The following ITGAE variants were observed in gnomAD, a reference collection of about 807,000 sequenced individuals.
The protein encoded by ITGAE is integrin alpha-E.
In ITGAE, 99 loss-of-function variants were observed where a neutral mutation model predicts 136.5. That is an observed-to-expected ratio of 0.73 (90% CI 0.62 to 0.86). The LOEUF (loss-of-function observed/expected upper bound fraction) is 0.86. Among genes scored for constraint, ITGAE ranks in the 40% least tolerant of loss-of-function variants. The pLI is 0.00. For synonymous variants in ITGAE, 613 were observed against 591.8 expected (o/e 1.04, Z -0.52); for missense variants, 1,447 against 1,515.3 (o/e 0.95, Z 0.75).
intron 20 of ITGAE, among the ~76,000 whole-genome samples, chr17:3,735,317 G>A (rs923534866): frequency 2.6e-5 from 4 of 152,132 alleles, no homozygotes; most frequent in East Asian, 1.9e-4. Flanking sequence ...ACAGGCACGC[G>A]CCACCATGCC....
chr17:3,778,085 CA>C (rs1197140601), intron 1 of ITGAE, among the ~76,000 whole-genome samples: 3 of 152,070 alleles, frequency 2.0e-5, no homozygotes, highest in Non-Finnish European at 4.4e-5. Flanking sequence ...AACGTATCCC[CA>C]AAACTGCCTG....
intron 26 of ITGAE, chr17:3,725,675 T>C: frequency 6.3e-7 from 1 of 1,589,392 alleles, no homozygotes; most frequent in South Asian, 1.1e-5. Context: ...GGGATCACTA[T>C]AATTCAACCA....
At chr17:3,759,250 T>G in intron 8 of ITGAE, 152 bp downstream of exon 8, 2 of 821,788 alleles carry the variant, frequency 2.4e-6, no homozygotes, top group Non-Finnish European at 3.8e-6. Context: ...AGGACAGCCT[T>G]GAGGTGTCAT....
At position 3,742,049 on chromosome 17, in the gene ITGAE, C is replaced by T. The variant is rs142526377; in HGVS notation, c.2448+1440G>A. On this transcript the variant is annotated intron_variant, in intron 19 of 30. Coordinates refer to ENST00000263087, the MANE Select transcript of ITGAE (RefSeq NM_002208.5). ...CCGAGATCACGCCATTGCACTCCAG[C>T]CTGGGCAACAAGGGCGAAACTCTGT... 5.2e-3 allele frequency among the ~76,000 whole-genome samples: 790 copies of T among 152,314 alleles called. 6 individuals are homozygous for T. Among genetic ancestry groups the T allele is most frequent in the African/African-American group, 0.018 (740 of 41,576 alleles).
intron 1 of ITGAE, among the ~76,000 whole-genome samples, chr17:3,795,390 C>T (rs947702522): frequency 1.2e-4 from 19 of 152,176 alleles, no homozygotes; most frequent in East Asian, 7.7e-4. Context: ...CACCCCACCC[C>T]TGTGTTCACT....
At chr17:3,768,419 A>G (rs1447471704) in intron 2 of ITGAE, among the ~76,000 whole-genome samples, 1 of 152,070 alleles carries the variant, frequency 6.6e-6, no homozygotes, top group Non-Finnish European at 1.5e-5. Context: ...AGTTACAGTG[A>G]GTTTCAGGCA....
intron 1 of ITGAE, among the ~76,000 whole-genome samples, chr17:3,795,901 CTG>C (rs1245433538): frequency 2.6e-5 from 3 of 116,020 alleles, no homozygotes; most frequent in Non-Finnish European, 1.8e-5. Flanking sequence ...GTGTGTGCAT[CTG>C]TGTATGCGCA....
chr17:3,748,872 A>G (rs76842797), intron 16 of ITGAE, among the ~76,000 whole-genome samples: 2,938 of 152,180 alleles, frequency 0.019, 73 homozygotes, highest in South Asian at 0.06. Flanking sequence ...GAGGGGCGGG[A>G]AGGGCCAGGC....
rs1567568833 is a variant in ITGAE, at chr17:3,799,297, G to A, written c.34+1814C>T. The stretch of plus-strand genomic sequence containing the variant: ...TCCGCCACCCACACCGGAGCTGCGG[G>A]GGCCCTGCTCTGGTCCCCTTCCCGT... On this transcript the variant is annotated intron_variant, in intron 1 of 30. Coordinates refer to ENST00000263087, the MANE Select transcript of ITGAE (RefSeq NM_002208.5). The surrounding 1 kb of genome is among the most constrained non-coding windows in gnomAD (Gnocchi z 4.1). 1.3e-5 allele frequency among the ~76,000 whole-genome samples: 2 copies of A among 152,278 alleles called. No individual in the cohort carries two copies. The highest frequency in any genetic ancestry group is 1.9e-4 in the East Asian group (1 of 5,178).
intron 26 of ITGAE, chr17:3,726,218 A>G: frequency 6.2e-7 from 1 of 1,614,174 alleles, no homozygotes; most frequent in Non-Finnish European, 8.5e-7. Context: ...TCAAGACTAA[A>G]TGTAACACTC....
intron 7 of ITGAE, 65 bp from the exon 8 acceptor site, chr17:3,759,618 C>T (rs2052116736): frequency 6.4e-7 from 1 of 1,566,334 alleles, no homozygotes; most frequent in African/African-American, 1.3e-5. Context: ...TGAAATGTCT[C>T]CCGCTGGAAG....
intron 26 of ITGAE, among the ~76,000 whole-genome samples, chr17:3,727,707 C>T (rs2051247087): frequency 6.6e-6 from 1 of 152,062 alleles, no homozygotes; most frequent in Non-Finnish European, 1.5e-5. Flanking sequence ...CCAATTTTTG[C>T]TTATTTTTCC....
chr17:3,727,872 G>T, intron 26 of ITGAE, 47 bp downstream of exon 26: 1 of 1,149,924 alleles, frequency 8.7e-7, no homozygotes. Flanking sequence ...AGACTCTGTA[G>T]TCACTGTGGA....
chr17:3,756,380 T>C (rs1239736516), intron 10 of ITGAE, among the ~76,000 whole-genome samples: 2 of 151,070 alleles, frequency 1.3e-5, no homozygotes, highest in African/African-American at 4.9e-5. Context: ...ATAGAGGTCA[T>C]GCGCCACCAC....
chr17:3,779,054 T>TAA lies in ITGAE; in HGVS notation c.35-1396_35-1395dup, dbSNP rs11348875. 2.9e-4 allele frequency among the ~76,000 whole-genome samples: 41 copies of TAA among 143,436 alleles called. 1 individual carries two copies. The highest frequency in any genetic ancestry group is 2.3e-3 in the Admixed American group (34 of 14,494). The allele number at this position is 143,436 out of a possible 152,430, so 94.1% of individuals were successfully genotyped here. On this transcript the variant is annotated intron_variant, in intron 1 of 30. Coordinates refer to ENST00000263087, the MANE Select transcript of ITGAE (RefSeq NM_002208.5). ...TAGAACCAGCAAAACTAACCTATAG[T>TAA]AAAAAAAAAAAAATGCTTGAGAGGA...
chr17:3,795,284 CCCAG>C (rs2053037660), intron 1 of ITGAE, among the ~76,000 whole-genome samples: 1 of 152,180 alleles, frequency 6.6e-6, no homozygotes, highest in South Asian at 2.1e-4. Context: ...ACACAACACC[CCCAG>C]CCACAGAGCC....
At chr17:3,797,278 G>A (rs1467605016) in intron 1 of ITGAE, among the ~76,000 whole-genome samples, 3 of 147,208 alleles carry the variant, frequency 2.0e-5, no homozygotes, top group East Asian at 4.1e-4. Flanking sequence ...CCATTCTCCT[G>A]CCTCAGCCTC....
intron 20 of ITGAE, among the ~76,000 whole-genome samples, chr17:3,738,603 C>T (rs2051514411): frequency 6.6e-6 from 1 of 152,228 alleles, no homozygotes; most frequent in South Asian, 2.1e-4. Flanking sequence ...CTGCCCAACA[C>T]CACCAGCCAC....
intron 26 of ITGAE, chr17:3,725,402 G>A: frequency 6.2e-7 from 1 of 1,614,254 alleles, no homozygotes; most frequent in Non-Finnish European, 8.5e-7. Flanking sequence ...GCTGTGAGAA[G>A]ATTGGGGAAG....
Sources: gnomAD v4.1 joint callset for allele counts (sites outside exome capture counted in the v4.1 genomes callset) on GRCh38, gnomAD v4.1.1 for gene constraint, Gnocchi (gnomAD v3.1) non-coding constraint, MANE v1.5 for transcripts, NCBI Gene and HGNC (gene_info 2026-07-23, HGNC 2026-07-21) for gene names.